Variants in MAF observed in about 807,000 individuals in gnomAD.
MAF encodes MAF bZIP transcription factor.
In MAF, 10 loss-of-function variants were observed where a neutral mutation model predicts 22.0. The observed-to-expected ratio is 0.45, with a 90% CI of 0.28 to 0.77. MAF has a LOEUF of 0.77. Ranked by LOEUF, MAF falls within the 30% of genes least tolerant of loss-of-function variation. The probability of loss-of-function intolerance (pLI) is 0.12; values close to 1 mark genes in which losing one functional copy is unlikely to be tolerated. For synonymous variants in MAF, 337 were observed against 255.8 expected, an observed-to-expected ratio of 1.32 and a Z score of -3.03; for missense variants, 544 against 548.4, an observed-to-expected ratio of 0.99 and a Z score of 0.08.
At chr16:79,527,974 T>C in the MAF span, among the ~76,000 whole-genome samples, 1 of 152,082 alleles carries the variant, frequency 6.6e-6, no homozygotes, top group Non-Finnish European at 1.5e-5. Context: ...AAACCCCATC[T>C]CTACTAAAAA....
At chr16:79,250,197 C>G in the MAF span, among the ~76,000 whole-genome samples, 65,847 of 152,156 alleles carry the variant, frequency 0.43, 14,831 homozygotes, top group Non-Finnish European at 0.51. Flanking sequence ...GGTCCCTCCT[C>G]CCTTGTGTTC....
chr16:79,338,204 G>C, the MAF span, among the ~76,000 whole-genome samples: 2 of 152,178 alleles, frequency 1.3e-5, no homozygotes, highest in East Asian at 1.9e-4. Flanking sequence ...AGGCCGACAG[G>C]GGAACCCATG....
At chr16:79,479,998 C>T in the MAF span, among the ~76,000 whole-genome samples, 24 of 152,218 alleles carry the variant, frequency 1.6e-4, no homozygotes, top group Middle Eastern at 6.8e-3. Flanking sequence ...AAAAGGATAC[C>T]GGCAGCTCTA....
chr16:79,205,329 C>T, the MAF span: 1 of 152,236 alleles, frequency 6.6e-6, no homozygotes, highest in Non-Finnish European at 1.5e-5. Context: ...GAATGACACT[C>T]TTCACCTGTC....
At chr16:79,246,917 T>G in the MAF span, among the ~76,000 whole-genome samples, 1 of 152,214 alleles carries the variant, frequency 6.6e-6, no homozygotes, top group Non-Finnish European at 1.5e-5. Context: ...AGGTACTGTT[T>G]TAGGTTCCTG....
chr16:79,580,634 A>G, the MAF span, among the ~76,000 whole-genome samples: 1 of 152,092 alleles, frequency 6.6e-6, no homozygotes, highest in African/African-American at 2.4e-5. Context: ...TGGGCAGCTG[A>G]GTGGCCCCAG....
chr16:79,381,682 G>A, the MAF span, among the ~76,000 whole-genome samples: 1 of 152,134 alleles, frequency 6.6e-6, no homozygotes, highest in East Asian at 1.9e-4. Context: ...GAATCACGTG[G>A]TTGCTAACGG....
chr16:79,594,286 A>C lies in MAF; in HGVS notation c.*174T>G. ...GTGCGCTTTCCTACCGGTCTCTATG[A>C]AACCCCCAGACAAGAGGCATAGTTA... On this transcript the variant is annotated 3_prime_UTR_variant, in exon 2 of 2. Transcript: ENST00000326043. 1 of 662,890 alleles carries C rather than the reference A, an allele frequency of 1.5e-6. No homozygotes were observed. Among genetic ancestry groups the C allele is most frequent in the Non-Finnish European group, 2.6e-6 (1 of 383,804 alleles). The allele number at this position is 662,890 out of a possible 1,614,324, so 41.1% of individuals were successfully genotyped here.
the MAF span, among the ~76,000 whole-genome samples, chr16:79,497,757 T>C: frequency 9.2e-5 from 14 of 152,146 alleles, no homozygotes; most frequent in Non-Finnish European, 2.1e-4. Context: ...AATGAAGTAA[T>C]TGGAAGAGAC....
the MAF span, among the ~76,000 whole-genome samples, chr16:79,563,628 TTCTC>T: frequency 6.6e-6 from 1 of 152,188 alleles, no homozygotes; most frequent in Non-Finnish European, 1.5e-5. Flanking sequence ...TTTTAGCTGT[TTCTC>T]TTTACTTTTT....
At chr16:79,362,277 T>G in the MAF span, among the ~76,000 whole-genome samples, 1 of 152,232 alleles carries the variant, frequency 6.6e-6, no homozygotes, top group East Asian at 1.9e-4. Flanking sequence ...TTAGAGTGTT[T>G]GTGTTAGCGT....
At chr16:79,420,169 G>A in the MAF span, among the ~76,000 whole-genome samples, 1 of 152,148 alleles carries the variant, frequency 6.6e-6, no homozygotes, top group East Asian at 1.9e-4. Flanking sequence ...TTCTGACAGA[G>A]GCACTTGGAA....
the MAF span, among the ~76,000 whole-genome samples, chr16:79,464,746 T>C: frequency 6.6e-6 from 1 of 152,058 alleles, no homozygotes; most frequent in African/African-American, 2.4e-5. Flanking sequence ...TCTGAGAGGG[T>C]CAAGGTCGAT....
chr16:79,567,722 T>C, the MAF span, among the ~76,000 whole-genome samples: 1 of 152,222 alleles, frequency 6.6e-6, no homozygotes, highest in Non-Finnish European at 1.5e-5. Context: ...AGCTCAGTGA[T>C]CTGCATTTCC....
the MAF span, among the ~76,000 whole-genome samples, chr16:79,438,333 T>C: frequency 6.6e-6 from 1 of 152,290 alleles, no homozygotes; most frequent in South Asian, 2.1e-4. Context: ...GTAGAGCAGT[T>C]AATACACGGG....
chr16:79,250,925 A>G, the MAF span, among the ~76,000 whole-genome samples: 7 of 152,138 alleles, frequency 4.6e-5, 1 homozygote, highest in African/African-American at 1.7e-4. Context: ...TGGTGACTGT[A>G]TTTGTCTGTA....
chr16:79,212,591 CTTGCT>C, the MAF span: 28 of 160,918 alleles, frequency 1.7e-4, no homozygotes, highest in Non-Finnish European at 1.1e-4. Flanking sequence ...TCTCAGTTCT[CTTGCT>C]TTCACATTGT....
the MAF span, among the ~76,000 whole-genome samples, chr16:79,514,950 T>C: frequency 6.6e-6 from 1 of 152,226 alleles, no homozygotes; most frequent in African/African-American, 2.4e-5. Context: ...GGGCTCTGAC[T>C]TGATGTCTCC....
chr16:79,253,135 A>C, the MAF span, among the ~76,000 whole-genome samples: 1 of 152,122 alleles, frequency 6.6e-6, no homozygotes, highest in Admixed American at 6.5e-5. Context: ...GCCCTTCTTG[A>C]CCTTCAAATA....
Sources: allele counts gnomAD v4.1 joint callset (sites outside exome capture counted in the v4.1 genomes callset), GRCh38; gene constraint gnomAD v4.1.1; transcripts MANE v1.5; gene names NCBI Gene and HGNC (gene_info 2026-07-23, HGNC 2026-07-21).